The following RBFOX1 variants were observed in gnomAD, a reference collection of about 807,000 sequenced individuals.
RBFOX1 encodes RNA binding protein fox-1 homolog 1.
Under a neutral mutation model 57.7 loss-of-function variants are expected in RBFOX1, and 8 were observed. The observed-to-expected ratio is 0.14, with a 90% CI of 0.08 to 0.25. The LOEUF (loss-of-function observed/expected upper bound fraction) is 0.25, where lower values mean the gene tolerates loss of function less well. Among genes scored for constraint, RBFOX1 ranks in the 10% least tolerant of loss-of-function variants. The probability of loss-of-function intolerance (pLI) is 1.00; values close to 1 mark genes in which losing one functional copy is unlikely to be tolerated. For synonymous variants in RBFOX1, 326 were observed against 222.4 expected (o/e 1.47, Z -4.15); for missense variants, 611 against 548.5 (o/e 1.11, Z -1.14).
chr16:6,276,770 A>T (rs1233734273), intron 1 of RBFOX1, among the ~76,000 whole-genome samples: 1 of 151,198 alleles, frequency 6.6e-6, no homozygotes, highest in Non-Finnish European at 1.5e-5. Flanking sequence ...CATCCTGTTT[A>T]TCTGTTTCCC....
chr16:6,797,052 C>G (rs750189682), intron 3 of RBFOX1, among the ~76,000 whole-genome samples: 3 of 152,142 alleles, frequency 2.0e-5, no homozygotes, highest in Admixed American at 6.5e-5. Flanking sequence ...TTTCCACTCT[C>G]TGGGTTGCTC....
At chr16:6,029,614 A>G (rs538518083) in intron 1 of RBFOX1, among the ~76,000 whole-genome samples, 1 of 152,092 alleles carries the variant, frequency 6.6e-6, no homozygotes, top group East Asian at 1.9e-4. Context: ...TCTACTAAAA[A>G]TACAAAAAAT....
intron 1 of RBFOX1, among the ~76,000 whole-genome samples, chr16:5,313,846 G>C (rs2064158045): frequency 6.6e-6 from 1 of 152,118 alleles, no homozygotes; most frequent in African/African-American, 2.4e-5. Context: ...GATTTGGATT[G>C]GGGACACAGC....
intron 11 of RBFOX1, among the ~76,000 whole-genome samples, chr16:7,644,595 T>C (rs2063404303): frequency 6.6e-6 from 1 of 152,180 alleles, no homozygotes; most frequent in Non-Finnish European, 1.5e-5. Context: ...TGTAGGACTA[T>C]GGCATTCCGA....
At chr16:5,821,599 G>T (rs546855183) in intron 3 of RBFOX1, among the ~76,000 whole-genome samples, 1 of 152,066 alleles carries the variant, frequency 6.6e-6, no homozygotes, top group Non-Finnish European at 1.5e-5. Flanking sequence ...TACCATGTCT[G>T]GTTCTTTATT....
chr16:6,650,991 C>T (rs1270823408), intron 2 of RBFOX1, among the ~76,000 whole-genome samples: 1 of 152,200 alleles, frequency 6.6e-6, no homozygotes, highest in Non-Finnish European at 1.5e-5. Context: ...CATCCTCCGC[C>T]TTCCCGGTTC....
At chr16:6,989,217 G>A (rs527733149) in intron 3 of RBFOX1, among the ~76,000 whole-genome samples, 8 of 152,090 alleles carry the variant, frequency 5.3e-5, no homozygotes, top group Non-Finnish European at 8.8e-5. Flanking sequence ...TTTAAAATGT[G>A]GCTATTAGAA....
intron 2 of RBFOX1, among the ~76,000 whole-genome samples, chr16:6,382,677 T>C (rs138140431): frequency 1.3e-5 from 2 of 152,222 alleles, no homozygotes; most frequent in East Asian, 3.9e-4. Context: ...CTGGTCAACC[T>C]GGTGAAACCC....
In RBFOX1 at chr16:6,716,764, AT is replaced by A. The variant is rs140209705; in HGVS notation, c.-16+62124del. Among the ~76,000 whole-genome samples, 563 of 149,670 alleles carry A rather than the reference AT, an allele frequency of 3.8e-3. 3 individuals are homozygous for A. In the East Asian group the frequency reaches 0.048, roughly 13 times the overall value. ...CCAGTTATACTTGTGTTGGGAAGGG[AT>A]TTTTTTTTTCCCTGGGGTTGTGAAA... On this transcript the variant is annotated intron_variant, in intron 3 of 15. Transcript: ENST00000550418.
At chr16:7,229,233 A>G (rs752539617) in intron 4 of RBFOX1, among the ~76,000 whole-genome samples, 8 of 152,316 alleles carry the variant, frequency 5.3e-5, no homozygotes, top group East Asian at 1.9e-4. Flanking sequence ...ATGCATTGCA[A>G]TCTTCTGCAA....
intron 2 of RBFOX1, among the ~76,000 whole-genome samples, chr16:6,372,160 G>C (rs573799504): frequency 1.3e-5 from 2 of 152,164 alleles, no homozygotes; most frequent in African/African-American, 4.8e-5. Context: ...TGGGTAGGAG[G>C]GTTGTTGGGT....
At chr16:5,695,950 C>T (rs929763137) in intron 3 of RBFOX1, among the ~76,000 whole-genome samples, 12 of 152,064 alleles carry the variant, frequency 7.9e-5, no homozygotes, top group Non-Finnish European at 1.8e-4. Context: ...GAAGAATTTG[C>T]CCCTAAATCC....
intron 11 of RBFOX1, among the ~76,000 whole-genome samples, chr16:7,635,222 G>T (rs1278235668): frequency 6.6e-6 from 1 of 152,142 alleles, no homozygotes; most frequent in Non-Finnish European, 1.5e-5. Context: ...AGTATCTAAA[G>T]GTAAATCATT....
chr16:5,433,925 C>T (rs2067831901), intron 1 of RBFOX1, among the ~76,000 whole-genome samples: 1 of 152,160 alleles, frequency 6.6e-6, no homozygotes, highest in African/African-American at 2.4e-5. Context: ...TTCCACTGTG[C>T]AGTCACTGTT....
chr16:5,421,088 C>A (rs1197410002), intron 1 of RBFOX1, among the ~76,000 whole-genome samples: 2 of 151,812 alleles, frequency 1.3e-5, no homozygotes, highest in African/African-American at 4.8e-5. Flanking sequence ...CTCACTGCAG[C>A]GTCCGCCTCC....
intron 3 of RBFOX1, among the ~76,000 whole-genome samples, chr16:6,716,690 C>T (rs1427928736): frequency 6.6e-6 from 1 of 152,146 alleles, no homozygotes; most frequent in Non-Finnish European, 1.5e-5. Flanking sequence ...TTTTCCATTC[C>T]TCTGGCCTTG....
At chr16:6,985,241 G>A (rs2089985846) in intron 3 of RBFOX1, among the ~76,000 whole-genome samples, 2 of 149,526 alleles carry the variant, frequency 1.3e-5, no homozygotes, top group Non-Finnish European at 3.0e-5. Flanking sequence ...TGTCTTTTCT[G>A]GGCTACATGC....
At chr16:7,134,352 ACC>A (rs2071332467) in intron 4 of RBFOX1, among the ~76,000 whole-genome samples, 2 of 152,202 alleles carry the variant, frequency 1.3e-5, no homozygotes, top group African/African-American at 2.4e-5. Flanking sequence ...AGTATATATA[ACC>A]GTCAAAGACT....
At chr16:6,992,729 G>C (rs1363788604) in intron 3 of RBFOX1, among the ~76,000 whole-genome samples, 1 of 150,958 alleles carries the variant, frequency 6.6e-6, no homozygotes, top group Non-Finnish European at 1.5e-5. Context: ...AAGATGGCAT[G>C]AGTCCAAGAG....
Sources: allele counts gnomAD v4.1 joint callset (sites outside exome capture counted in the v4.1 genomes callset), GRCh38; gene constraint gnomAD v4.1.1; transcripts MANE v1.5; gene names NCBI Gene and HGNC (gene_info 2026-07-23, HGNC 2026-07-21).